HKDC1: variants seen among roughly 807,000 people sequenced by gnomAD.
HKDC1 encodes the protein hexokinase domain containing 1.
A neutral mutation model predicts 96.6 loss-of-function variants in HKDC1; 66 were observed. The ratio of observed to expected loss-of-function variants is 0.68; its 90% CI spans 0.56 to 0.84. HKDC1 has a LOEUF of 0.84. Among genes scored for constraint, HKDC1 ranks in the 40% least tolerant of loss-of-function variants. The pLI is 0.00. For missense variants in HKDC1, 1,211 were observed against 1,208.1 expected (o/e 1.00, Z -0.04); for synonymous variants, 466 against 473.1 (o/e 0.98, Z 0.20).
chr10:69,264,516 T>C (rs1843861970), intron 16 of HKDC1, among the ~76,000 whole-genome samples: 1 of 151,904 alleles, frequency 6.6e-6, no homozygotes, highest in Non-Finnish European at 1.5e-5. Flanking sequence ...ACTATAGGCA[T>C]ACACAATCAT....
At chr10:69,242,740 A>C (rs1277088099) in intron 6 of HKDC1, among the ~76,000 whole-genome samples, 1 of 152,236 alleles carries the variant, frequency 6.6e-6, no homozygotes, top group Non-Finnish European at 1.5e-5. Context: ...CTTATGCTAG[A>C]AACAATTTGT....
chr10:69,264,197 CTGTGTG>C (rs34401681), intron 16 of HKDC1, among the ~76,000 whole-genome samples: 2,000 of 139,508 alleles, frequency 0.014, 25 homozygotes, highest in Middle Eastern at 0.022. Context: ...AGATTTCCTT[CTGTGTG>C]TGTGTGTGTG....
intron 16 of HKDC1, among the ~76,000 whole-genome samples, chr10:69,263,573 T>C (rs1375555259): frequency 6.6e-6 from 1 of 152,146 alleles, no homozygotes; most frequent in Non-Finnish European, 1.5e-5. Flanking sequence ...GAGCTTGAGT[T>C]TTAAGATTTA....
chr10:69,233,043 A>G lies in HKDC1; in HGVS notation c.405A>G (p.Ala135=), dbSNP rs1465023948. 2.5e-6 allele frequency: 4 copies of G among 1,614,198 alleles called. No homozygotes were observed. The Admixed American group carries it at 5.0e-5, about 20-fold the overall frequency. ...TTGAATATGTAGCTGACTGTCTGGC[A>G]GATTTCATGAAGACCAAAGATTTAA... ...ELFEYVADCL[A]DFMKTKDLKH... is the part of the protein sequence containing the mutation. The change falls in exon 4 of 18, where the codon GCA becomes GCG. Residue 135 remains alanine, a synonymous_variant. Transcript: ENST00000354624.
At chr10:69,262,245 T>C (rs1484855244) in intron 16 of HKDC1, 2 of 184,436 alleles carry the variant, frequency 1.1e-5, no homozygotes, top group African/African-American at 4.7e-5. Flanking sequence ...TATAATTTAC[T>C]AAACTTTCCC....
rs747848812 is a variant in HKDC1, at chr10:69,248,326, G to A, written c.1266-98G>A. ...CAAATAAAGGGCTGAGCCCCGCCCC[G>A]CAGGGCCCTCCGGGACTGGGTTTAC... On this transcript the variant is annotated intron_variant, in intron 9 of 17. Coordinates refer to ENST00000354624, the MANE Select transcript of HKDC1 (RefSeq NM_025130.4). The A allele has an allele frequency of 1.3e-4, 162 of 1,270,490 alleles. 1 individual carries two copies. Among genetic ancestry groups the A allele is most frequent in the Middle Eastern group, 5.0e-4 (2 of 3,988 alleles). The allele number at this position is 1,270,490 out of a possible 1,614,324, so 78.7% of individuals were successfully genotyped here.
At position 69,265,726 on chromosome 10, in the gene HKDC1, C is replaced by T. The variant is rs767057742; in HGVS notation, c.2514C>T (p.Ala838=). 34 of 1,613,224 alleles carry T rather than the reference C, an allele frequency of 2.1e-5. No homozygotes were observed. The highest frequency in any genetic ancestry group is 1.9e-4 in the African/African-American group (14 of 74,874). The change falls in exon 17 of 18, where the codon GCC becomes GCT. Residue 838 remains alanine (A), a synonymous_variant. Coordinates refer to ENST00000354624, the MANE Select transcript of HKDC1 (RefSeq NM_025130.4). The part of the protein sequence containing the change: ...RAAQLCGAGL[A]AIVEKRREDQ... ...CCCAGCTCTGCGGTGCTGGCCTGGC[C>T]GCTATAGTGGAAAAAAGGAGAGAAG... is the stretch of plus-strand genomic sequence containing the variant.
chr10:69,247,035 G>C (rs183904179), intron 8 of HKDC1, among the ~76,000 whole-genome samples: 2 of 152,356 alleles, frequency 1.3e-5, no homozygotes, highest in Admixed American at 1.3e-4. Flanking sequence ...GCCCTTACTA[G>C]CTGTGTAGCC....
intron 12 of HKDC1, among the ~76,000 whole-genome samples, chr10:69,251,855 G>A (rs1184892782): frequency 6.6e-6 from 1 of 151,684 alleles, no homozygotes; most frequent in Non-Finnish European, 1.5e-5. Context: ...TGCCTCCCGG[G>A]TTCAAGTGAT....
intron 7 of HKDC1, among the ~76,000 whole-genome samples, chr10:69,243,574 G>A (rs1843490554): frequency 6.8e-6 from 1 of 146,634 alleles, no homozygotes; most frequent in Non-Finnish European, 1.5e-5. Flanking sequence ...TTGGCTCGCT[G>A]CAACCTCCAC....
rs1843758575 is a variant in HKDC1, at chr10:69,258,716, C to T, written c.2033-60C>T. 1.9e-6 allele frequency: 3 copies of T among 1,545,880 alleles called. No individual in the cohort carries two copies. In the South Asian group the frequency reaches 3.3e-5, roughly 17 times the overall value. On this transcript the variant is annotated intron_variant, in intron 14 of 17. Coordinates refer to ENST00000354624, the MANE Select transcript of HKDC1 (RefSeq NM_025130.4). ...TAAATTCTTATTTGCTGCACTCTGC[C>T]ACCTTTCTAAAACCTGGTGATGTCT...
At position 69,257,399 on chromosome 10, in the gene HKDC1, C is replaced by A; in HGVS notation, c.2005C>A (p.Pro669Thr). The change falls in exon 14 of 18, where the codon CCT becomes ACT. Residue 669 changes from proline (P) to threonine (T), a missense_variant. Transcript: ENST00000354624. Reference sequence around the variant, plus strand: ...CATGATGACCTGTGGCTATGAAGATCCTAATTGTGAGATTGGCCTGATTGC... The same window carrying A: ...CATGATGACCTGTGGCTATGAAGATACTAATTGTGAGATTGGCCTGATTGC... ...GTMMTCGYED[P>T]NCEIGLIAGT... 1 of 1,613,718 alleles carries A rather than the reference C, an allele frequency of 6.2e-7. No homozygotes were observed. Among genetic ancestry groups the A allele is most frequent in the Middle Eastern group, 1.6e-4 (1 of 6,062 alleles).
intron 1 of HKDC1, among the ~76,000 whole-genome samples, chr10:69,224,424 C>T (rs1843116320): frequency 6.6e-6 from 1 of 152,018 alleles, no homozygotes; most frequent in Non-Finnish European, 1.5e-5. Flanking sequence ...GCTGGGACTA[C>T]AGGCGCCCGC....
At chr10:69,251,443 A>C (rs1174143736) in intron 12 of HKDC1, among the ~76,000 whole-genome samples, 3 of 152,024 alleles carry the variant, frequency 2.0e-5, no homozygotes, top group African/African-American at 7.2e-5. Context: ...CTTTCTTCTT[A>C]TTCAAGATTG....
At chr10:69,254,286 C>T (rs1315681088) in intron 12 of HKDC1, among the ~76,000 whole-genome samples, 2 of 151,984 alleles carry the variant, frequency 1.3e-5, no homozygotes, top group Non-Finnish European at 2.9e-5. Context: ...GCCTGGGCGA[C>T]AGAGAAGACT....
rs541678764 is a variant in HKDC1 at position 69,256,793 on chromosome 10, T to C, written c.1837-243T>C. Among the ~76,000 whole-genome samples the C allele has an allele frequency of 1.2e-4, 19 of 152,076 alleles. No individual in the cohort carries two copies. The South Asian group carries it at 4.0e-3, about 32-fold the overall frequency. ...TCCGCGTAATCATGGCCAGGGAACA[T>C]GATTTGACCCTTGAGGAGTATGAAT... On this transcript the variant is annotated intron_variant, in intron 12 of 17. Coordinates refer to ENST00000354624, the MANE Select transcript of HKDC1 (RefSeq NM_025130.4).
chr10:69,252,924 C>T (rs1308788821), intron 12 of HKDC1, among the ~76,000 whole-genome samples: 1 of 151,350 alleles, frequency 6.6e-6, no homozygotes, highest in African/African-American at 2.4e-5. Context: ...CACTTGAGTC[C>T]AGGAGTTTGA....
intron 4 of HKDC1, among the ~76,000 whole-genome samples, chr10:69,233,555 G>A (rs1327376495): frequency 6.6e-6 from 1 of 152,168 alleles, no homozygotes; most frequent in African/African-American, 2.4e-5. Flanking sequence ...AACATGGGAA[G>A]GCTGGGGAGT....
At chr10:69,255,596 CT>C (rs1463879750) in intron 12 of HKDC1, among the ~76,000 whole-genome samples, 2 of 152,170 alleles carry the variant, frequency 1.3e-5, no homozygotes, top group African/African-American at 4.8e-5. Flanking sequence ...AACAATGTAA[CT>C]TTGGGCTTCC....
Sources: allele counts gnomAD v4.1 joint callset (sites outside exome capture counted in the v4.1 genomes callset), GRCh38; gene constraint gnomAD v4.1.1; transcripts MANE v1.5; gene names NCBI Gene and HGNC (gene_info 2026-07-23, HGNC 2026-07-21).